PPP3R1: variants seen among roughly 807,000 people sequenced by gnomAD.
PPP3R1 encodes the protein calcineurin subunit B type 1.
In PPP3R1, 5 loss-of-function variants were observed where a neutral mutation model predicts 22.6. The observed-to-expected ratio is 0.22, with a 90% CI of 0.12 to 0.46. PPP3R1 has a LOEUF of 0.46. Ranked by LOEUF, PPP3R1 falls within the 20% of genes least tolerant of loss-of-function variation. PPP3R1 has a pLI of 0.99. For synonymous variants in PPP3R1, 56 were observed against 65.2 expected, an observed-to-expected ratio of 0.86 and a Z score of 0.68; for missense variants, 61 against 203.2, an observed-to-expected ratio of 0.30 and a Z score of 4.25.
At chr2:68,230,052 G>A (rs985510510) in intron 1 of PPP3R1, among the ~76,000 whole-genome samples, 4 of 151,168 alleles carry the variant, frequency 2.6e-5, no homozygotes, top group African/African-American at 4.9e-5. Context: ...GAGCGTAGCG[G>A]CACAATCTTG....
Position 68,229,965 on chromosome 2 carries a change from T to C in PPP3R1, c.4-12834A>G, listed in dbSNP as rs1006515550. ...GTGTATATATGTGTGTGTGTATATA[T>C]ACACACATACACACACACACACACA... On this transcript the variant is annotated intron_variant, in intron 1 of 5. Transcript: ENST00000234310. 4.9e-3 allele frequency among the ~76,000 whole-genome samples: 242 copies of C among 49,526 alleles called. 1 individual carries two copies. Among genetic ancestry groups the C allele is most frequent in the Non-Finnish European group, 6.6e-3 (190 of 28,894 alleles). 32.5% of individuals were successfully genotyped at this position (49,526 alleles called of 152,430 possible).
At chr2:68,232,331 C>A (rs1182166065) in intron 1 of PPP3R1, among the ~76,000 whole-genome samples, 1 of 147,070 alleles carries the variant, frequency 6.8e-6, no homozygotes, top group African/African-American at 2.5e-5. Flanking sequence ...ACCCCAGCCA[C>A]TCGGTAGGCT....
At chr2:68,216,477 TAA>T (rs757456785) in intron 2 of PPP3R1, among the ~76,000 whole-genome samples, 2 of 150,034 alleles carry the variant, frequency 1.3e-5, no homozygotes, top group African/African-American at 2.4e-5. Context: ...AATTAAAAAT[TAA>T]AAAAAAAAAA....
chr2:68,198,273 G>T (rs891732267), intron 2 of PPP3R1, among the ~76,000 whole-genome samples: 2 of 144,054 alleles, frequency 1.4e-5, no homozygotes, highest in Non-Finnish European at 3.0e-5. Context: ...ATACATATGT[G>T]TATGCATGTA....
In PPP3R1 at chr2:68,192,492, G is replaced by C. The variant is rs970028861; in HGVS notation, c.44-3802C>G. Among the ~76,000 whole-genome samples, 15 of 152,104 alleles carry C rather than the reference G, an allele frequency of 9.9e-5. No homozygotes were observed. The East Asian group carries it at 2.9e-3, about 29-fold the overall frequency. On this transcript the variant is annotated intron_variant, in intron 2 of 5. Coordinates refer to ENST00000234310, the MANE Select transcript of PPP3R1 (RefSeq NM_000945.4). ...ATTTATTAGTCAATTTATTGAAGTG[G>C]GGACATTAATTATAGTTTAGAAAGT... is the stretch of plus-strand genomic sequence containing the variant.
At position 68,187,319 on chromosome 2, in the gene PPP3R1, A is replaced by G. The variant is rs1028776392; in HGVS notation, c.221-5T>C. ...GAGAGACGCCCTCAATGAATTCTGAATAAGAGTTAAAAATGTTCACAAATC... is the reference window on the plus strand; with the variant it reads ...GAGAGACGCCCTCAATGAATTCTGAGTAAGAGTTAAAAATGTTCACAAATC... On this transcript the variant is annotated splice_polypyrimidine_tract_variant and splice_region_variant and intron_variant, in intron 3 of 5. Transcript: ENST00000234310. 1.2e-5 allele frequency: 19 copies of G among 1,607,264 alleles called. No homozygotes were observed. The highest frequency in any genetic ancestry group is 2.2e-5 in the East Asian group (1 of 44,718).
chr2:68,208,521 C>A (rs972888847), intron 2 of PPP3R1, among the ~76,000 whole-genome samples: 1 of 152,158 alleles, frequency 6.6e-6, no homozygotes, highest in Non-Finnish European at 1.5e-5. Flanking sequence ...TATTCCTGGT[C>A]TAGAGGCTAG....
intron 2 of PPP3R1, among the ~76,000 whole-genome samples, chr2:68,214,905 G>C (rs1009775767): frequency 3.3e-5 from 5 of 152,010 alleles, no homozygotes; most frequent in Non-Finnish European, 7.4e-5. Flanking sequence ...ATGAACAGTA[G>C]ACTGGATAAA....
chr2:68,187,895 C>T (rs1482654691), intron 3 of PPP3R1, among the ~76,000 whole-genome samples: 3 of 151,674 alleles, frequency 2.0e-5, no homozygotes, highest in Non-Finnish European at 2.9e-5. Context: ...TGGCTTGGCG[C>T]GGTGGCTCAT....
At chr2:68,247,527 T>A (rs763333645) in intron 1 of PPP3R1, among the ~76,000 whole-genome samples, 11 of 152,210 alleles carry the variant, frequency 7.2e-5, no homozygotes, top group Non-Finnish European at 1.3e-4. Flanking sequence ...TCTATCCTAT[T>A]GAAATTGGAG....
At chr2:68,185,811 A>G (rs1478747557) in intron 5 of PPP3R1, among the ~76,000 whole-genome samples, 2 of 152,186 alleles carry the variant, frequency 1.3e-5, no homozygotes, top group Admixed American at 6.5e-5. Flanking sequence ...AAAAAGACGC[A>G]GTCTATTCTT....
At chr2:68,199,668 A>C (rs564886541) in intron 2 of PPP3R1, among the ~76,000 whole-genome samples, 1 of 152,346 alleles carries the variant, frequency 6.6e-6, no homozygotes, top group Admixed American at 6.5e-5. Flanking sequence ...TATCATGAAT[A>C]GATATTACAT....
chr2:68,190,930 A>C (rs921961863), intron 2 of PPP3R1, among the ~76,000 whole-genome samples: 7 of 152,224 alleles, frequency 4.6e-5, no homozygotes, highest in African/African-American at 1.7e-4. Context: ...TCATTTGTAC[A>C]GTTAATTTGT....
At chr2:68,198,434 CGT>C (rs1491217501) in intron 2 of PPP3R1, among the ~76,000 whole-genome samples, 4 of 131,732 alleles carry the variant, frequency 3.0e-5, no homozygotes, top group African/African-American at 8.6e-5. Context: ...CGTATATATG[CGT>C]GTGTATATAT....
chr2:68,225,482 A>C (rs566687949), intron 1 of PPP3R1, among the ~76,000 whole-genome samples: 2 of 152,322 alleles, frequency 1.3e-5, no homozygotes, highest in East Asian at 3.9e-4. Context: ...TAACGTGAAC[A>C]GCTTGGAAAG....
rs79250659 is a variant in PPP3R1 at position 68,181,738 on chromosome 2, G to A, written c.466-728C>T. On this transcript the variant is annotated intron_variant, in intron 5 of 5. Transcript: ENST00000234310. ...GTAGTTTAATATCACACGATAACCA[G>A]ATATTATGACAAAAACTGTCCTCAC... Among the ~76,000 whole-genome samples, 233 of 152,028 alleles carry A rather than the reference G, an allele frequency of 1.5e-3. 1 individual carries two copies. Among genetic ancestry groups the A allele is most frequent in the African/African-American group, 5.6e-3 (231 of 41,458 alleles).
At chr2:68,249,486 T>C (rs1266527353) in intron 1 of PPP3R1, among the ~76,000 whole-genome samples, 1 of 152,162 alleles carries the variant, frequency 6.6e-6, no homozygotes, top group East Asian at 1.9e-4. Context: ...AAATTTAAAG[T>C]TCCCTTAAGA....
intron 2 of PPP3R1, among the ~76,000 whole-genome samples, chr2:68,213,924 A>T (rs568058987): frequency 7.2e-5 from 11 of 152,328 alleles, no homozygotes; most frequent in Non-Finnish European, 1.5e-4. Context: ...AAGCTATACT[A>T]CAACTAAAAC....
intron 2 of PPP3R1, among the ~76,000 whole-genome samples, chr2:68,207,166 T>C (rs1028299366): frequency 1.3e-5 from 2 of 150,726 alleles, no homozygotes; most frequent in African/African-American, 4.9e-5. Flanking sequence ...GTGGCAGTTT[T>C]AATGTGGAGA....
Sources: gnomAD v4.1 joint callset for allele counts (sites outside exome capture counted in the v4.1 genomes callset) on GRCh38, gnomAD v4.1.1 for gene constraint, MANE v1.5 for transcripts, NCBI Gene and HGNC (gene_info 2026-07-23, HGNC 2026-07-21) for gene names.